Variants in DSE observed in about 807,000 individuals in gnomAD.
The protein encoded by DSE is dermatan sulfate epimerase.
A neutral mutation model predicts 84.4 loss-of-function variants in DSE; 36 were observed. The observed-to-expected ratio is 0.43, with a 90% CI of 0.33 to 0.56. The LOEUF (loss-of-function observed/expected upper bound fraction) is 0.56, where lower values mean the gene tolerates loss of function less well. Ranked by LOEUF, DSE falls within the 20% of genes least tolerant of loss-of-function variation. The pLI, the probability that DSE is intolerant of heterozygous loss-of-function variation, is 0.06. For missense variants in DSE, 862 were observed against 1,169.6 expected, an observed-to-expected ratio of 0.74 and a Z score of 3.84; for synonymous variants, 410 against 430.1, an observed-to-expected ratio of 0.95 and a Z score of 0.58.
chr6:116,399,866 GA>G (rs1313252132), intron 2 of DSE, 200 bp downstream of exon 2: 1 of 564,848 alleles, frequency 1.8e-6, no homozygotes, highest in East Asian at 3.0e-5. Flanking sequence ...TTTAAAGTTA[GA>G]AGGAAAATAT....
chr6:116,414,593 G>T (rs1782581206), intron 2 of DSE, among the ~76,000 whole-genome samples: 1 of 151,974 alleles, frequency 6.6e-6, no homozygotes, highest in Non-Finnish European at 1.5e-5. Context: ...TGTATTTTTA[G>T]TAGAGATGGG....
intron 2 of DSE, among the ~76,000 whole-genome samples, chr6:116,408,157 G>A (rs1562290065): frequency 2.0e-5 from 3 of 152,164 alleles, no homozygotes; most frequent in Non-Finnish European, 2.9e-5. Flanking sequence ...TAACTGGGTT[G>A]CCTGGTTTTC....
intron 2 of DSE, among the ~76,000 whole-genome samples, chr6:116,318,229 A>G (rs11966175): frequency 3.5e-4 from 54 of 152,328 alleles, no homozygotes; most frequent in African/African-American, 1.3e-3. Context: ...AGTAGGGGCC[A>G]GTCGTGGTGG....
chr6:116,304,652 G>T (rs751065976), intron 2 of DSE, among the ~76,000 whole-genome samples: 2 of 152,182 alleles, frequency 1.3e-5, no homozygotes, highest in Non-Finnish European at 2.9e-5. Flanking sequence ...CTGGTACAAA[G>T]CACTGTGTGC....
intron 5 of DSE, among the ~76,000 whole-genome samples, chr6:116,435,105 GA>G (rs1219711114): frequency 1.3e-5 from 2 of 151,806 alleles, no homozygotes; most frequent in Non-Finnish European, 2.9e-5. Flanking sequence ...TTTTTTCAAG[GA>G]AAAAAATCTT....
chr6:116,430,913 A>G (rs1425954469), intron 3 of DSE, 41 bp from the exon 4 acceptor site: 2 of 1,601,822 alleles, frequency 1.2e-6, no homozygotes, highest in East Asian at 4.5e-5. Flanking sequence ...ATGCTTTGTC[A>G]CAGGCTTTAG....
At chr6:116,318,926 A>G (rs1161348563) in intron 2 of DSE, among the ~76,000 whole-genome samples, 1 of 152,204 alleles carries the variant, frequency 6.6e-6, no homozygotes, top group Non-Finnish European at 1.5e-5. Flanking sequence ...ATATGATTTA[A>G]AGATGACTAA....
chr6:116,335,535 A>T (rs1358115639), intron 2 of DSE, among the ~76,000 whole-genome samples: 1 of 152,236 alleles, frequency 6.6e-6, no homozygotes, highest in African/African-American at 2.4e-5. Flanking sequence ...GTTAAATTTT[A>T]AAAAAAGATA....
At chr6:116,263,511 G>A (rs1435160763) in intron 2 of DSE, among the ~76,000 whole-genome samples, 1 of 152,056 alleles carries the variant, frequency 6.6e-6, no homozygotes, top group Non-Finnish European at 1.5e-5. Flanking sequence ...CATGTGAGAT[G>A]GGTCTCTTGA....
chr6:116,362,479 T>G (rs1184226177), intron 2 of DSE, among the ~76,000 whole-genome samples: 1 of 152,130 alleles, frequency 6.6e-6, no homozygotes, highest in African/African-American at 2.4e-5. Context: ...GGGTGGTGCC[T>G]TATAAGAGGG....
Position 116,426,557 on chromosome 6 carries a change from T to C in DSE, c.417-17T>C. On this transcript the variant is annotated splice_polypyrimidine_tract_variant and intron_variant, in intron 2 of 5. Transcript: ENST00000644252. ...GAGTCTGATGAACTCATTTCCATGA[T>C]TTATTTTCCTTTACAGGTTGGTGAA... 3 of 1,608,870 alleles carry C rather than the reference T, an allele frequency of 1.9e-6. No individual in the cohort carries two copies. Among genetic ancestry groups the C allele is most frequent in the East Asian group, 2.2e-5 (1 of 44,754 alleles).
At chr6:116,264,330 T>C (rs1048737897) in intron 2 of DSE, among the ~76,000 whole-genome samples, 1 of 152,120 alleles carries the variant, frequency 6.6e-6, no homozygotes, top group Non-Finnish European at 1.5e-5. Flanking sequence ...GACTAGCCAG[T>C]CTTCAATCTC....
At chr6:116,370,209 A>AC (rs553777041), upstream of DSE, 204 of 250,656 alleles carry the variant, frequency 8.1e-4, 1 homozygote, top group African/African-American at 3.3e-3. Context: ...ACACACACAC[A>AC]CCCCCCCACC....
intron 2 of DSE, among the ~76,000 whole-genome samples, chr6:116,317,383 T>C (rs889811038): frequency 2.6e-5 from 4 of 152,248 alleles, no homozygotes; most frequent in Non-Finnish European, 5.9e-5. Flanking sequence ...TTAGACATGA[T>C]GTTCTAGAGA....
chr6:116,397,207 CTTTTTTTTTTT>C (rs11296951), intron 1 of DSE, among the ~76,000 whole-genome samples: 1 of 105,200 alleles, frequency 9.5e-6, no homozygotes. Context: ...CTCTTTCTTT[CTTTTTTTTTTT>C]TTTTTTTTTG....
chr6:116,296,081 G>C (rs1774647652), intron 2 of DSE, among the ~76,000 whole-genome samples: 1 of 152,052 alleles, frequency 6.6e-6, no homozygotes, highest in South Asian at 2.1e-4. Flanking sequence ...ATATATAGCT[G>C]TCCCTTGGTA....
chr6:116,279,369 C>T (rs1773343085), intron 2 of DSE: 3 of 1,612,316 alleles, frequency 1.9e-6, no homozygotes, highest in Admixed American at 1.7e-5. Flanking sequence ...CTGTCTTCAC[C>T]TCCTCCGCCT....
intron 2 of DSE, among the ~76,000 whole-genome samples, chr6:116,266,297 C>T (rs184248332): frequency 9.3e-4 from 141 of 152,232 alleles, no homozygotes; most frequent in African/African-American, 3.3e-3. Flanking sequence ...AACCTCTTGA[C>T]GTTTCAATCA....
intron 2 of DSE, among the ~76,000 whole-genome samples, chr6:116,341,845 G>T (rs905076326): frequency 6.6e-6 from 1 of 152,148 alleles, no homozygotes; most frequent in Non-Finnish European, 1.5e-5. Flanking sequence ...TGTACCATTG[G>T]TCTATATATC....
Sources: allele counts gnomAD v4.1 joint callset (sites outside exome capture counted in the v4.1 genomes callset), GRCh38; gene constraint gnomAD v4.1.1; transcripts MANE v1.5; gene names NCBI Gene and HGNC (gene_info 2026-07-23, HGNC 2026-07-21).